The following DSCAML1 variants were observed in gnomAD, a reference collection of about 807,000 sequenced individuals.
DSCAML1 encodes the protein cell adhesion molecule DSCAML1.
A neutral mutation model predicts 200.5 loss-of-function variants in DSCAML1; 38 were observed. That is an observed-to-expected ratio of 0.19 (90% confidence interval 0.15 to 0.25). DSCAML1 has a LOEUF of 0.25. Ranked by LOEUF, DSCAML1 falls within the 10% of genes least tolerant of loss-of-function variation. The pLI is 1.00. For synonymous variants in DSCAML1, 1,215 were observed against 1,165.0 expected (o/e 1.04, Z -0.87); for missense variants, 2,223 against 2,858.8 (o/e 0.78, Z 5.07).
chr11:117,506,517 A>G (rs1400945713), intron 8 of DSCAML1, among the ~76,000 whole-genome samples: 1 of 149,574 alleles, frequency 6.7e-6, no homozygotes, highest in African/African-American at 2.5e-5. Flanking sequence ...AGAAAGCCCC[A>G]GACATGCCCA....
intron 3 of DSCAML1, among the ~76,000 whole-genome samples, chr11:117,551,966 G>A (rs1346276495): frequency 6.6e-6 from 1 of 151,436 alleles, no homozygotes; most frequent in Non-Finnish European, 1.5e-5. Context: ...ATCCTGTTAA[G>A]GAGACAATGT....
intron 11 of DSCAML1, among the ~76,000 whole-genome samples, chr11:117,493,542 C>T (rs1196600706): frequency 2.0e-5 from 3 of 151,996 alleles, no homozygotes; most frequent in Non-Finnish European, 4.4e-5. Flanking sequence ...TCTCCATCTC[C>T]TGACCTCGTG....
At chr11:117,580,025 C>A (rs887708787) in intron 3 of DSCAML1, among the ~76,000 whole-genome samples, 2 of 152,170 alleles carry the variant, frequency 1.3e-5, no homozygotes, top group African/African-American at 4.8e-5. Flanking sequence ...ACGGTAAATT[C>A]CACAAAGACA....
At chr11:117,511,942 T>C (rs2049628048) in intron 8 of DSCAML1, among the ~76,000 whole-genome samples, 1 of 152,264 alleles carries the variant, frequency 6.6e-6, no homozygotes, top group Admixed American at 6.5e-5. Context: ...TGCACACATG[T>C]GCAGGCATGT....
At chr11:117,545,207 G>A (rs2050347996) in intron 3 of DSCAML1, among the ~76,000 whole-genome samples, 1 of 150,666 alleles carries the variant, frequency 6.6e-6, no homozygotes, top group Non-Finnish European at 1.5e-5. Context: ...TCTAGCCTGG[G>A]CGACAGAGCA....
intron 11 of DSCAML1, among the ~76,000 whole-genome samples, chr11:117,495,814 T>C (rs924720968): frequency 6.6e-6 from 1 of 152,226 alleles, no homozygotes; most frequent in Non-Finnish European, 1.5e-5. Flanking sequence ...CATCAAAGCC[T>C]GGTATTTGTT....
chr11:117,692,286 G>A (rs1447839286), intron 3 of DSCAML1, among the ~76,000 whole-genome samples: 1 of 151,962 alleles, frequency 6.6e-6, no homozygotes, highest in South Asian at 2.1e-4. Context: ...CTTGCTTACT[G>A]TGACTGAGAG....
chr11:117,725,085 A>C (rs2054101811), intron 3 of DSCAML1, among the ~76,000 whole-genome samples: 1 of 152,236 alleles, frequency 6.6e-6, no homozygotes, highest in Non-Finnish European at 1.5e-5. Flanking sequence ...CACTAAAAAT[A>C]GGAGGGATTT....
At chr11:117,734,371 C>T (rs569811764) in intron 3 of DSCAML1, among the ~76,000 whole-genome samples, 1 of 152,142 alleles carries the variant, frequency 6.6e-6, no homozygotes, top group Non-Finnish European at 1.5e-5. Context: ...CTTCAGTCTC[C>T]GGAAAACCTT....
At chr11:117,468,041 T>C (rs2048617995) in intron 16 of DSCAML1, among the ~76,000 whole-genome samples, 1 of 152,156 alleles carries the variant, frequency 6.6e-6, no homozygotes, top group Non-Finnish European at 1.5e-5. Flanking sequence ...TAGATTCACA[T>C]ATTTATACAA....
At chr11:117,588,996 CAG>C (rs1565810182) in intron 3 of DSCAML1, among the ~76,000 whole-genome samples, 1 of 152,156 alleles carries the variant, frequency 6.6e-6, no homozygotes. Flanking sequence ...TAAGGACACA[CAG>C]GGGGAGAGGC....
intron 3 of DSCAML1, among the ~76,000 whole-genome samples, chr11:117,694,511 G>A (rs895296940): frequency 6.6e-6 from 1 of 152,136 alleles, no homozygotes; most frequent in Non-Finnish European, 1.5e-5. Context: ...CGCCTACAAT[G>A]TGCTATGCCC....
At chr11:117,638,428 G>A (rs587099) in intron 3 of DSCAML1, among the ~76,000 whole-genome samples, 75,997 of 151,102 alleles carry the variant, frequency 0.5, 19,585 homozygotes, top group Admixed American at 0.63. Context: ...AAAATGTACA[G>A]TTCAGTGGTT....
At position 117,469,790 on chromosome 11, in the gene DSCAML1, A is replaced by T; in HGVS notation, c.3024+120T>A. ...TCAAATCTCACTAGGTTTAGTGACA[A>T]AACAGACATGGGCATCATATAAGAC... On this transcript the variant is annotated intron_variant, in intron 16 of 32. Coordinates refer to ENST00000651296, the MANE Select transcript of DSCAML1 (RefSeq NM_020693.4). The surrounding 1 kb of genome is among the most constrained non-coding windows in gnomAD (Gnocchi z 4.1). The T allele has an allele frequency of 1.1e-6, 1 of 901,872 alleles. No homozygotes were observed. Among genetic ancestry groups the T allele is most frequent in the Non-Finnish European group, 1.6e-6 (1 of 635,958 alleles). The allele number at this position is 901,872 out of a possible 1,614,324, so 55.9% of individuals were successfully genotyped here. A position where few individuals can be genotyped will look rare whatever the true frequency, so the allele number is the denominator to read the frequency against.
At chr11:117,499,517 A>T (rs558933) in intron 11 of DSCAML1, among the ~76,000 whole-genome samples, 103,079 of 151,552 alleles carry the variant, frequency 0.68, 35,321 homozygotes, top group South Asian at 0.87. Flanking sequence ...TTACTCTGTG[A>T]TCCTTCTACC....
chr11:117,610,494 C>T (rs557528031), intron 3 of DSCAML1, among the ~76,000 whole-genome samples: 1 of 152,190 alleles, frequency 6.6e-6, no homozygotes, highest in South Asian at 2.1e-4. Context: ...TCTCCAGGAG[C>T]AACCTCCCCT....
intron 3 of DSCAML1, among the ~76,000 whole-genome samples, chr11:117,588,572 G>A (rs1417067969): frequency 6.6e-6 from 1 of 152,208 alleles, no homozygotes; most frequent in Non-Finnish European, 1.5e-5. Flanking sequence ...CCGGATACAA[G>A]CGAGCCCAGC....
chr11:117,681,854 G>A (rs905452468), intron 3 of DSCAML1, among the ~76,000 whole-genome samples: 4 of 152,104 alleles, frequency 2.6e-5, no homozygotes, highest in Non-Finnish European at 4.4e-5. Context: ...TCCAGCCCCC[G>A]GGAGTCTCTT....
At chr11:117,760,983 G>A (rs1288640885) in intron 3 of DSCAML1, among the ~76,000 whole-genome samples, 2 of 152,186 alleles carry the variant, frequency 1.3e-5, no homozygotes, top group Non-Finnish European at 2.9e-5. Context: ...CACACTCTAG[G>A]ATAGCCAAAG....
Sources: gnomAD v4.1 joint callset for allele counts (sites outside exome capture counted in the v4.1 genomes callset) on GRCh38, gnomAD v4.1.1 for gene constraint, Gnocchi (gnomAD v3.1) non-coding constraint, MANE v1.5 for transcripts, NCBI Gene and HGNC (gene_info 2026-07-23, HGNC 2026-07-21) for gene names.